Variants in LRBA observed in about 807,000 individuals in gnomAD.
The protein encoded by LRBA is LPS responsive beige-like anchor protein.
LRBA carries 176 observed loss-of-function variants against 330.0 expected under a neutral mutation model. The ratio of observed to expected loss-of-function variants is 0.53; its 90% CI spans 0.47 to 0.60. The LOEUF is 0.60. Ranked by LOEUF, LRBA falls within the 20% of genes least tolerant of loss-of-function variation. LRBA has a pLI of 0.00. For missense variants in LRBA, 3,259 were observed against 3,444.8 expected (o/e 0.95, Z 1.35); for synonymous variants, 1,230 against 1,193.0 (o/e 1.03, Z -0.64).
chr4:150,394,176 T>C (rs1424255382), intron 47 of LRBA, among the ~76,000 whole-genome samples: 1 of 149,034 alleles, frequency 6.7e-6, no homozygotes, highest in Non-Finnish European at 1.5e-5. Flanking sequence ...TAAAACCTAC[T>C]GCCTGTATTA....
rs189806532 is a variant in LRBA, at chr4:150,520,698, T to C, written c.6331-29663A>G. Among the ~76,000 whole-genome samples the C allele has an allele frequency of 2.6e-3, 390 of 152,198 alleles. 6 individuals are homozygous for C. The highest frequency in any genetic ancestry group is 0.023 in the Admixed American group (351 of 15,274). ...ACTAACGCAGAAACAGAAAGCCAAA[T>C]ACCACACATTCTCACTTATTTGTGA... On this transcript the variant is annotated intron_variant, in intron 40 of 56. Coordinates refer to ENST00000651943, the MANE Select transcript of LRBA (RefSeq NM_001364905.1).
chr4:150,284,294 G>C (rs781728786), intron 54 of LRBA, among the ~76,000 whole-genome samples: 9 of 152,176 alleles, frequency 5.9e-5, no homozygotes, highest in Non-Finnish European at 1.3e-4. Context: ...TAAAATGTTA[G>C]ATGCTGGTTC....
chr4:150,267,437 AAAC>A (rs869142708), intron 56 of LRBA, among the ~76,000 whole-genome samples: 17 of 83,822 alleles, frequency 2.0e-4, no homozygotes, highest in African/African-American at 4.6e-4. Context: ...CAAAAAAAAC[AAAC>A]AACAACATAA....
At chr4:150,606,013 T>C (rs780501706) in intron 37 of LRBA, among the ~76,000 whole-genome samples, 1 of 152,160 alleles carries the variant, frequency 6.6e-6, no homozygotes, top group Non-Finnish European at 1.5e-5. Flanking sequence ...TATTTAATTA[T>C]GTAAAATCAA....
At chr4:150,465,993 G>A (rs1755404730) in intron 44 of LRBA, among the ~76,000 whole-genome samples, 14 of 151,838 alleles carry the variant, frequency 9.2e-5, no homozygotes, top group Admixed American at 9.2e-4. Flanking sequence ...AAGTACCCTG[G>A]GAGTTCAAAT....
At chr4:150,737,523 A>AAAAAGAAAAGGAAAGAAAAGAAAAAG (rs1731352803) in intron 35 of LRBA, among the ~76,000 whole-genome samples, 2 of 149,748 alleles carry the variant, frequency 1.3e-5, no homozygotes, top group African/African-American at 4.9e-5. Context: ...AAAGAAAAGA[A>AAAAAGAAAAGGAAAGAAAAGAAAAAG]AAAAGAAAAG....
At chr4:150,303,879 A>G (rs549558303) in intron 52 of LRBA, among the ~76,000 whole-genome samples, 4 of 152,104 alleles carry the variant, frequency 2.6e-5, no homozygotes, top group Non-Finnish European at 5.9e-5. Flanking sequence ...AGCAGCCCTC[A>G]CCCTTTAAGA....
intron 19 of LRBA, among the ~76,000 whole-genome samples, 169 bp downstream of exon 19, chr4:150,871,176 G>A (rs1336006704): frequency 6.6e-6 from 1 of 152,152 alleles, no homozygotes; most frequent in East Asian, 1.9e-4. Flanking sequence ...CCGGGAGGTG[G>A]AGGTTGCAGT....
At chr4:150,928,736 A>G in intron 3 of LRBA, 98 bp downstream of exon 3, 1 of 1,293,140 alleles carries the variant, frequency 7.7e-7, no homozygotes, top group Non-Finnish European at 1.1e-6. Context: ...TACATGCTCA[A>G]ATATTTCTTA....
At chr4:150,825,093 C>A (rs1329056832) in intron 30 of LRBA, among the ~76,000 whole-genome samples, 1 of 151,850 alleles carries the variant, frequency 6.6e-6, no homozygotes, top group Non-Finnish European at 1.5e-5. Flanking sequence ...AATGAAAAAT[C>A]TCAGAAGACA....
At chr4:150,671,565 T>C (rs553433108) in intron 37 of LRBA, among the ~76,000 whole-genome samples, 1 of 152,336 alleles carries the variant, frequency 6.6e-6, no homozygotes, top group Admixed American at 6.5e-5. Flanking sequence ...AGTTAATTCA[T>C]TACAAATCAG....
In LRBA at chr4:150,936,664, T is replaced by C. The variant is rs566251533; in HGVS notation, c.217-7599A>G. ...TCAAAGAGAAAATATTTTATGAAAA[T>C]CATCTAGATACAACAATAAAAAAGA... On this transcript the variant is annotated intron_variant, in intron 2 of 56. Transcript: ENST00000651943. Among the ~76,000 whole-genome samples, 3 of 152,106 alleles carry C rather than the reference T, an allele frequency of 2.0e-5. No individual in the cohort carries two copies. In the South Asian group the frequency reaches 6.2e-4, roughly 32 times the overall value.
intron 31 of LRBA, among the ~76,000 whole-genome samples, chr4:150,811,970 G>T (rs918174650): frequency 2.0e-5 from 3 of 152,084 alleles, no homozygotes; most frequent in Non-Finnish European, 4.4e-5. Context: ...AGCAGAAAGA[G>T]ATTTTTTACA....
chr4:150,989,078 C>A (rs913178246), intron 2 of LRBA, among the ~76,000 whole-genome samples: 4 of 152,068 alleles, frequency 2.6e-5, no homozygotes, highest in East Asian at 3.9e-4. Context: ...TCTGGGATCA[C>A]TGGAACCTCT....
intron 48 of LRBA, among the ~76,000 whole-genome samples, chr4:150,341,405 CA>C (rs1373881128): frequency 2.6e-5 from 4 of 152,030 alleles, no homozygotes; most frequent in Non-Finnish European, 5.9e-5. Context: ...TGCCCTCAAG[CA>C]GTCCTCCTGC....
rs1312346585 is a variant in LRBA, at chr4:150,820,566, A to AG, written c.5172-3310_5172-3309insC. Among the ~76,000 whole-genome samples the AG allele has an allele frequency of 4.6e-5, 7 of 152,176 alleles. No homozygotes were observed. In the South Asian group the frequency reaches 1.5e-3, roughly 32 times the overall value. On this transcript the variant is annotated intron_variant, in intron 30 of 56. Transcript: ENST00000651943. Reference sequence around the variant, plus strand: ...TATTTCATATAGCTACATAATTAGTATATAATAGAGAAATAAAATCAATTT... The same window carrying AG: ...TATTTCATATAGCTACATAATTAGTAGTATAATAGAGAAATAAAATCAATTT...
At position 150,758,851 on chromosome 4, in the gene LRBA, A is replaced by G. The variant is rs560732948; in HGVS notation, c.5645+2932T>C. 2.0e-3 allele frequency among the ~76,000 whole-genome samples: 306 copies of G among 152,058 alleles called. 2 individuals carry two copies. The highest frequency in any genetic ancestry group is 7.1e-3 in the African/African-American group (296 of 41,462). On this transcript the variant is annotated intron_variant, in intron 35 of 56. Coordinates refer to ENST00000651943, the MANE Select transcript of LRBA (RefSeq NM_001364905.1). The stretch of plus-strand genomic sequence containing the variant: ...CGGCCTCTCAAAGTGCTGGAATTAC[A>G]GACAGAAGCCACTGCTTCTGGCTAT...
At chr4:150,806,590 A>C (rs1224172979) in intron 32 of LRBA, among the ~76,000 whole-genome samples, 186 bp from the exon 33 acceptor site, 8 of 152,082 alleles carry the variant, frequency 5.3e-5, no homozygotes, top group African/African-American at 7.2e-5. Context: ...ATCCTGATCT[A>C]TCTTGCCCCT....
intron 37 of LRBA, among the ~76,000 whole-genome samples, chr4:150,600,026 T>TA (rs1346185744): frequency 6.6e-6 from 1 of 152,128 alleles, no homozygotes; most frequent in Non-Finnish European, 1.5e-5. Flanking sequence ...CCCTATTACA[T>TA]ACACATTTTA....
Sources: allele counts gnomAD v4.1 joint callset (sites outside exome capture counted in the v4.1 genomes callset), GRCh38; gene constraint gnomAD v4.1.1; transcripts MANE v1.5; gene names NCBI Gene and HGNC (gene_info 2026-07-23, HGNC 2026-07-21).